GNL3L: variants seen among roughly 807,000 people sequenced by gnomAD.
GNL3L encodes guanine nucleotide-binding protein-like 3-like protein.
Under a neutral mutation model 42.9 loss-of-function variants are expected in GNL3L, and 4 were observed. The observed-to-expected ratio is 0.09, with a 90% CI of 0.05 to 0.21. The LOEUF is 0.21. GNL3L is among the 10% of genes least tolerant of loss of function. The probability of loss-of-function intolerance (pLI) is 1.00; values close to 1 mark genes in which losing one functional copy is unlikely to be tolerated. For synonymous variants in GNL3L, 159 were observed against 176.3 expected, an observed-to-expected ratio of 0.90 and a Z score of 0.78; for missense variants, 412 against 481.7, an observed-to-expected ratio of 0.86 and a Z score of 1.36.
intron 16 of GNL3L, among the ~76,000 whole-genome samples, chrX:54,602,852 A>C (rs919265371): frequency 1.8e-5 from 2 of 111,658 alleles, no homozygotes; most frequent in Admixed American, 9.6e-5. Context: ...CAATCTTAGC[A>C]AACTTTGAGG....
chrX:54,634,787 C>CTTT, the GNL3L span, among the ~76,000 whole-genome samples: 18 of 51,598 alleles, frequency 3.5e-4, no homozygotes, highest in Non-Finnish European at 4.5e-4. Flanking sequence ...GCGCCCGGCT[C>CTTT]TTTTTTTTTT....
At chrX:54,581,479 C>G (rs184781611) in intron 16 of GNL3L, among the ~76,000 whole-genome samples, 342 of 112,251 alleles carry the variant, frequency 3.0e-3, no homozygotes, top group African/African-American at 0.011. Context: ...AAGTGATCCT[C>G]TTGCCTCGGA....
intron 16 of GNL3L, among the ~76,000 whole-genome samples, chrX:54,605,205 C>T (rs965693470): frequency 8.9e-6 from 1 of 111,961 alleles, no homozygotes; most frequent in African/African-American, 3.2e-5. Flanking sequence ...CATTTGCATA[C>T]ATAAATAAAG....
At chrX:54,598,303 C>G (rs1925962271) in intron 16 of GNL3L, among the ~76,000 whole-genome samples, 1 of 111,303 alleles carries the variant, frequency 9.0e-6, no homozygotes, top group African/African-American at 3.3e-5. Flanking sequence ...TAGGAAAGCG[C>G]AAAGTCAAGA....
intron 8 of GNL3L, among the ~76,000 whole-genome samples, chrX:54,546,176 T>C (rs1427825394): frequency 8.9e-6 from 1 of 112,688 alleles, no homozygotes; most frequent in Non-Finnish European, 1.9e-5. Context: ...CCAAATGTTA[T>C]TCTGTGCTTT....
chrX:54,578,775 G>T (rs930828390), intron 16 of GNL3L, among the ~76,000 whole-genome samples: 2 of 111,971 alleles, frequency 1.8e-5, no homozygotes, highest in Non-Finnish European at 3.8e-5. Context: ...ATTCCATTTG[G>T]TAAATACCTA....
downstream of GNL3L, among the ~76,000 whole-genome samples, chrX:54,625,644 T>G (rs1291359893): frequency 9.0e-6 from 1 of 110,811 alleles, no homozygotes; most frequent in African/African-American, 3.3e-5. Context: ...TTGGGCACAG[T>G]AGTATTTATT....
the GNL3L span, among the ~76,000 whole-genome samples, chrX:54,635,775 T>A: frequency 9.2e-6 from 1 of 109,100 alleles, no homozygotes; most frequent in African/African-American, 3.3e-5. Context: ...AAAAATTACC[T>A]CCCCCACCTC....
At chrX:54,576,629 G>T (rs1925638057) in intron 16 of GNL3L, among the ~76,000 whole-genome samples, 1 of 110,272 alleles carries the variant, frequency 9.1e-6, no homozygotes, top group African/African-American at 3.3e-5. Flanking sequence ...ACCATGCCTG[G>T]GTGATTTTTG....
At chrX:54,550,754 A>C (rs1345710531) in intron 9 of GNL3L, among the ~76,000 whole-genome samples, 3 of 111,573 alleles carry the variant, frequency 2.7e-5, no homozygotes, top group Non-Finnish European at 5.7e-5. Context: ...GGACATACCT[A>C]TCTAGCATGC....
At chrX:54,636,657 A>G in the GNL3L span, among the ~76,000 whole-genome samples, 78 of 111,592 alleles carry the variant, frequency 7.0e-4, no homozygotes, top group South Asian at 0.028. Flanking sequence ...TTTGCTTAGG[A>G]TGATGACCTC....
intron 2 of GNL3L, among the ~76,000 whole-genome samples, chrX:54,534,944 T>C (rs1924374661): frequency 9.0e-6 from 1 of 111,725 alleles, no homozygotes; most frequent in Non-Finnish European, 1.9e-5. Context: ...TGTCCAGACC[T>C]GGTTCATTCC....
At chrX:54,640,503 T>A in the GNL3L span, among the ~76,000 whole-genome samples, 2 of 112,190 alleles carry the variant, frequency 1.8e-5, no homozygotes, top group Non-Finnish European at 1.9e-5. Context: ...CAGCAATGGT[T>A]GTAGAATGTT....
the GNL3L span, among the ~76,000 whole-genome samples, chrX:54,638,377 G>A: frequency 8.9e-6 from 1 of 112,064 alleles, no homozygotes; most frequent in Non-Finnish European, 1.9e-5. Flanking sequence ...CAGTGTAAGT[G>A]CTCAATAAAC....
At chrX:54,597,578 C>T (rs1925946716) in intron 16 of GNL3L, among the ~76,000 whole-genome samples, 1 of 111,113 alleles carries the variant, frequency 9.0e-6, no homozygotes, top group Non-Finnish European at 1.9e-5. Flanking sequence ...TGCCCCCCCG[C>T]CCCAATCCCG....
At chrX:54,583,264 C>T (rs1301955027) in intron 16 of GNL3L, among the ~76,000 whole-genome samples, 2 of 111,041 alleles carry the variant, frequency 1.8e-5, no homozygotes, top group Non-Finnish European at 1.9e-5. Flanking sequence ...ATGATCTCGG[C>T]TCACTGCAAC....
downstream of GNL3L, among the ~76,000 whole-genome samples, chrX:54,624,523 C>T (rs1303134039): frequency 3.8e-5 from 4 of 104,956 alleles, no homozygotes; most frequent in South Asian, 9.0e-4. Flanking sequence ...CTGCAACCTC[C>T]GTCTCCCGGG....
At chrX:54,645,317 C>T in the GNL3L span, among the ~76,000 whole-genome samples, 1 of 111,682 alleles carries the variant, frequency 9.0e-6, no homozygotes, top group East Asian at 2.8e-4. Flanking sequence ...TTTCATTATT[C>T]AGCATGATAC....
rs1198181424 is a variant in GNL3L at position 54,564,391 on chromosome X, T to C, written c.*3789T>C. On this transcript the variant is annotated 3_prime_UTR_variant, in exon 16 of 16. Coordinates refer to ENST00000360845, the MANE Select transcript of GNL3L (RefSeq NM_001184819.2). Reference sequence around the variant, plus strand: ...CAAACCCTGGCAGTCACTGGTTTTTTTCTTCGTTCTCTTTTTTTTTTTTTT... The same window carrying C: ...CAAACCCTGGCAGTCACTGGTTTTTCTCTTCGTTCTCTTTTTTTTTTTTTT... Among the ~76,000 whole-genome samples the C allele has an allele frequency of 1.9e-5, 2 of 103,766 alleles. No individual in the cohort carries two copies. Among genetic ancestry groups the C allele is most frequent in the African/African-American group, 7.2e-5 (2 of 27,874 alleles). 90.1% of individuals were successfully genotyped at this position (103,766 alleles called of 115,157 possible).
Sources: gnomAD v4.1 joint callset for allele counts (sites outside exome capture counted in the v4.1 genomes callset) on GRCh38, gnomAD v4.1.1 for gene constraint, MANE v1.5 for transcripts, NCBI Gene and HGNC (gene_info 2026-07-23, HGNC 2026-07-21) for gene names.